The following GRID2IP variants were observed in gnomAD, a reference collection of about 807,000 sequenced individuals.
GRID2IP encodes delphilin.
Under a neutral mutation model 114.3 loss-of-function variants are expected in GRID2IP, and 78 were observed. The observed-to-expected ratio is 0.68, with a 90% confidence interval of 0.57 to 0.82. The LOEUF (loss-of-function observed/expected upper bound fraction) is 0.82. Among genes scored for constraint, GRID2IP ranks in the 40% least tolerant of loss-of-function variants. The pLI is 0.00. For synonymous variants in GRID2IP, 809 were observed against 724.0 expected (o/e 1.12, Z -1.89); for missense variants, 1,727 against 1,678.5 (o/e 1.03, Z -0.51).
Position 6,514,368 on chromosome 7 carries a change from C to T in GRID2IP, c.1423+7G>A, listed in dbSNP as rs888928401. ...GGCAGGGAAGTGGCAGGGGAGAGGA[C>T]GCTTACCTGTCATGGCCGTGTAGCC... On this transcript the variant is annotated splice_region_variant and intron_variant, in intron 8 of 21. Coordinates refer to ENST00000457091, the MANE Select transcript of GRID2IP (RefSeq NM_001145118.2). 50 of 1,499,758 alleles carry T rather than the reference C, an allele frequency of 3.3e-5. No homozygotes were observed. The Admixed American group carries it at 5.1e-4, about 15-fold the overall frequency. 92.9% of individuals were successfully genotyped at this position (1,499,758 alleles called of 1,614,324 possible). A position where few individuals can be genotyped will look rare whatever the true frequency, so the allele number is the denominator to read the frequency against.
At position 6,498,314 on chromosome 7, in the gene GRID2IP, C is replaced by T. The variant is rs562429875; in HGVS notation, c.3400-86G>A. The T allele has an allele frequency of 2.3e-5, 31 of 1,331,426 alleles. No homozygotes were observed. The East Asian group carries it at 7.9e-4, about 34-fold the overall frequency. The allele number at this position is 1,331,426 out of a possible 1,614,324, so 82.5% of individuals were successfully genotyped here. A position where few individuals can be genotyped will look rare whatever the true frequency, so the allele number is the denominator to read the frequency against. ...GGCCCGACAGACAGGTCCCTAGCAG[C>T]CCTATTCCCGGTTGGCCTGAGTCCT... On this transcript the variant is annotated intron_variant, in intron 20 of 21. Coordinates refer to ENST00000457091, the MANE Select transcript of GRID2IP (RefSeq NM_001145118.2).
intron 2 of GRID2IP, among the ~76,000 whole-genome samples, chr7:6,529,444 C>T (rs1583348302): frequency 1.3e-5 from 2 of 151,768 alleles, no homozygotes; most frequent in African/African-American, 2.4e-5. Context: ...GAGTGAGACT[C>T]CATCTCAAAA....
At position 6,508,039 on chromosome 7, in the gene GRID2IP, G is replaced by A. The variant is rs1430274469; in HGVS notation, c.2490C>T (p.Val830=). ...HRRSETSHMS[V]KRLRWEQVEN... is the part of the protein sequence containing the mutation. ...CCACCTGTTCCCACCGCAAGCGCTT[G>A]ACGCTCATGTGGCTGGTCTCACTGC... Residue 830 remains valine (V), a synonymous_variant, in exon 13 of 22, where the codon GTC becomes GTT. Coordinates refer to ENST00000457091, the MANE Select transcript of GRID2IP (RefSeq NM_001145118.2). This position sits in a 1 kb window ranked among gnomAD's most constrained non-coding sequence, Gnocchi z 5.6. 6.5e-7 allele frequency: 1 copy of A among 1,549,170 alleles called. No individual in the cohort carries two copies. Among genetic ancestry groups the A allele is most frequent in the Non-Finnish European group, 8.7e-7 (1 of 1,146,604 alleles).
chr7:6,517,286 T>C (rs543929509), intron 7 of GRID2IP, among the ~76,000 whole-genome samples: 20 of 151,814 alleles, frequency 1.3e-4, no homozygotes, highest in Non-Finnish European at 2.5e-4. Context: ...CTCGATCTCC[T>C]GACCTCGTGA....
At chr7:6,502,189 C>G (rs566457998) in intron 18 of GRID2IP, 71 bp from the exon 19 acceptor site, 4 of 1,387,922 alleles carry the variant, frequency 2.9e-6, no homozygotes, top group African/African-American at 2.9e-5. Flanking sequence ...CCCAGCTTCT[C>G]CTGGACTACT....
At chr7:6,518,606 A>G (rs1364655610) in intron 7 of GRID2IP, among the ~76,000 whole-genome samples, 2 of 151,662 alleles carry the variant, frequency 1.3e-5, no homozygotes, top group Admixed American at 6.6e-5. Flanking sequence ...CGTGGTGGAG[A>G]GTGCCTGTAG....
rs192143010 is a variant in GRID2IP at position 6,548,828 on chromosome 7, C to T, written c.429+2180G>A. ...CTGCACTCCAGCCTGGGTGACAGAG[C>T]GAGACTCTGCCTCAAAAAAAAAAAA... On this transcript the variant is annotated intron_variant, in intron 1 of 21. Transcript: ENST00000457091. 9.5e-3 allele frequency among the ~76,000 whole-genome samples: 1,341 copies of T among 141,468 alleles called. 16 individuals carry two copies. The highest frequency in any genetic ancestry group is 0.035 in the African/African-American group (1,281 of 36,712). The allele number at this position is 141,468 out of a possible 152,430, so 92.8% of individuals were successfully genotyped here.
rs1300077231 is a variant in GRID2IP at position 6,511,031 on chromosome 7, C to T, written c.1432G>A (p.Glu478Lys). The part of the protein sequence containing the change: ...LGYTAMTAEP[E>K]PELDLESEPT... ...TCGGACTCCAGGTCCAGCTCAGGCTCCGGCTCTGCTGTGGGACATGCAGGG... is the reference window on the plus strand; with the variant it reads ...TCGGACTCCAGGTCCAGCTCAGGCTTCGGCTCTGCTGTGGGACATGCAGGG... The change falls in exon 9 of 22, where the codon GAG becomes AAG. Residue 478 changes from glutamate (E) to lysine (K), a missense_variant. Glu to Lys is a moderately conservative substitution (Grantham distance 56). Coordinates refer to ENST00000457091, the MANE Select transcript of GRID2IP (RefSeq NM_001145118.2). 1 of 1,456,910 alleles carries T rather than the reference C, an allele frequency of 6.9e-7. No individual in the cohort carries two copies. The highest frequency in any genetic ancestry group is 1.4e-5 in the South Asian group (1 of 73,140). The allele number at this position is 1,456,910 out of a possible 1,614,324, so 90.2% of individuals were successfully genotyped here. A position where few individuals can be genotyped will look rare whatever the true frequency, so the allele number is the denominator to read the frequency against.
intron 1 of GRID2IP, among the ~76,000 whole-genome samples, chr7:6,549,794 T>A (rs1047763687): frequency 2.0e-4 from 31 of 151,570 alleles, no homozygotes; most frequent in Non-Finnish European, 4.0e-4. Context: ...GCTGGTTTTT[T>A]TTTTTTTTAT....
intron 1 of GRID2IP, among the ~76,000 whole-genome samples, chr7:6,548,782 C>T (rs566705705): frequency 6.7e-6 from 1 of 149,708 alleles, no homozygotes; most frequent in Middle Eastern, 3.4e-3. Flanking sequence ...GTGGAGGTTG[C>T]AGTGAGCCGA....
In GRID2IP at chr7:6,521,976, G is replaced by T; in HGVS notation, c.920-19C>A. On this transcript the variant is annotated intron_variant, in intron 4 of 21. Coordinates refer to ENST00000457091, the MANE Select transcript of GRID2IP (RefSeq NM_001145118.2). The surrounding 1 kb of genome is among the most constrained non-coding windows in gnomAD (Gnocchi z 4.1). ...GGGCTCCCTGGAAGCAAGAAGAGAG[G>T]GTGTGCCGGTCAGCTGGGCAGGGTA... 8 of 1,547,318 alleles carry T rather than the reference G, an allele frequency of 5.2e-6. No homozygotes were observed. The highest frequency in any genetic ancestry group is 5.2e-6 in the Non-Finnish European group (6 of 1,143,352).
intron 8 of GRID2IP, among the ~76,000 whole-genome samples, chr7:6,512,405 T>C (rs1779191336): frequency 6.6e-6 from 1 of 150,684 alleles, no homozygotes; most frequent in Non-Finnish European, 1.5e-5. Context: ...ATTTTTTTGC[T>C]ATGTTGCCCA....
intron 2 of GRID2IP, among the ~76,000 whole-genome samples, chr7:6,533,063 C>T (rs540547203): frequency 6.6e-6 from 1 of 152,312 alleles, no homozygotes; most frequent in African/African-American, 2.4e-5. Context: ...TGATTTTTGT[C>T]CACCCAGGGG....
chr7:6,535,914 C>T (rs886571503), intron 2 of GRID2IP, among the ~76,000 whole-genome samples: 7 of 152,138 alleles, frequency 4.6e-5, no homozygotes, highest in Non-Finnish European at 1.0e-4. Flanking sequence ...CTACAGGACG[C>T]ACCACCAGAC....
Position 6,539,813 on chromosome 7 carries a change from C to T in GRID2IP, c.489G>A (p.Lys163=). ...CCACCCGCTGCTCAGCTGCAAACTGCTTCAGTGCAGCGAACACCTGCTCCT... is the reference window on the plus strand; with the variant it reads ...CCACCCGCTGCTCAGCTGCAAACTGTTTCAGTGCAGCGAACACCTGCTCCT... ...TAKEQVFAAL[K]QFAAEQRVDD... The change falls in exon 2 of 22, where the codon AAG becomes AAA. Residue 163 remains lysine (K), a synonymous_variant. Coordinates refer to ENST00000457091, the MANE Select transcript of GRID2IP (RefSeq NM_001145118.2). 1 of 1,551,180 alleles carries T rather than the reference C, an allele frequency of 6.4e-7. No individual in the cohort carries two copies. Among genetic ancestry groups the T allele is most frequent in the Non-Finnish European group, 8.7e-7 (1 of 1,146,968 alleles).
chr7:6,511,138 AT>A, intron 8 of GRID2IP, 99 bp from the exon 9 acceptor site: 2 of 1,277,728 alleles, frequency 1.6e-6, no homozygotes, highest in Non-Finnish European at 2.0e-6. Flanking sequence ...CTGCACCAAT[AT>A]GCAGACCCCA....
chr7:6,524,996 A>G (rs1244762472), intron 4 of GRID2IP, among the ~76,000 whole-genome samples: 1 of 151,814 alleles, frequency 6.6e-6, no homozygotes, highest in Admixed American at 6.6e-5. Flanking sequence ...GCCCCGGCCA[A>G]CCTCATCTCT....
At chr7:6,502,369 C>T (rs909673047) in intron 18 of GRID2IP, among the ~76,000 whole-genome samples, 2 of 152,112 alleles carry the variant, frequency 1.3e-5, no homozygotes, top group African/African-American at 4.8e-5. Context: ...GGACTACAGG[C>T]CTGTGACATG....
rs1786670389 is a variant in GRID2IP, at chr7:6,508,743, A to G, written c.2127+215T>C. On this transcript the variant is annotated intron_variant, in intron 12 of 21. Transcript: ENST00000457091. The surrounding 1 kb of genome is among the most constrained non-coding windows in gnomAD (Gnocchi z 5.6). Reference sequence around the variant, plus strand: ...GGAATGGGCTAACCTGCGACAGGGAATATGGGCTAGCCTCAGTCAAGGAGC... The same window carrying G: ...GGAATGGGCTAACCTGCGACAGGGAGTATGGGCTAGCCTCAGTCAAGGAGC... Among the ~76,000 whole-genome samples, 1 of 152,012 alleles carries G rather than the reference A, an allele frequency of 6.6e-6. No homozygotes were observed. The highest frequency in any genetic ancestry group is 1.5e-5 in the Non-Finnish European group (1 of 67,958).
Sources: allele counts gnomAD v4.1 joint callset (sites outside exome capture counted in the v4.1 genomes callset), GRCh38; gene constraint gnomAD v4.1.1; non-coding constraint Gnocchi (gnomAD v3.1); transcripts MANE v1.5; gene names NCBI Gene and HGNC (gene_info 2026-07-23, HGNC 2026-07-21).